FSTL4: variants seen among roughly 807,000 people sequenced by gnomAD.
FSTL4 encodes the protein follistatin like 4.
In FSTL4, 28 loss-of-function variants were observed where a neutral mutation model predicts 78.2. The observed-to-expected ratio is 0.36, with a 90% CI of 0.27 to 0.49. The LOEUF (loss-of-function observed/expected upper bound fraction) is 0.49. Among genes scored for constraint, FSTL4 ranks in the 20% least tolerant of loss-of-function variants. The pLI is 0.98. For synonymous variants in FSTL4, 422 were observed against 440.5 expected (o/e 0.96, Z 0.53); for missense variants, 922 against 1,084.9 (o/e 0.85, Z 2.11).
chr5:133,458,413 C>A (rs1362217079), intron 3 of FSTL4: 1 of 152,250 alleles, frequency 6.6e-6, no homozygotes, highest in Non-Finnish European at 1.5e-5. Context: ...AACAGGGATG[C>A]CATCAGCTCA....
At chr5:133,405,688 A>T (rs1255466654) in intron 3 of FSTL4, among the ~76,000 whole-genome samples, 1 of 152,200 alleles carries the variant, frequency 6.6e-6, no homozygotes, top group Non-Finnish European at 1.5e-5. Context: ...ATACCCTCAC[A>T]CGTGGCAAGG....
chr5:133,525,715 G>T (rs968931553), intron 3 of FSTL4, among the ~76,000 whole-genome samples: 1 of 152,208 alleles, frequency 6.6e-6, no homozygotes, highest in South Asian at 2.1e-4. Flanking sequence ...GAATTCCAGA[G>T]TTCACAGAAC....
Position 133,603,939 on chromosome 5 carries a change from G to A in FSTL4, c.45C>T (p.Ala15=). 1 of 1,613,526 alleles carries A rather than the reference G, an allele frequency of 6.2e-7. No homozygotes were observed. ...TCCATCCCAGCGCAGCCGGCAGGGA[G>A]GCTCCGAGCAGTGTGAGATGCAGCC... ...GFWLHLTLLG[A]SLPAALGWMD... Residue 15 remains alanine (A), a synonymous_variant, in exon 2 of 16, where the codon GCC becomes GCT. Transcript: ENST00000265342.
intron 3 of FSTL4, among the ~76,000 whole-genome samples, chr5:133,479,476 C>T (rs1392409892): frequency 2.0e-5 from 3 of 152,178 alleles, no homozygotes; most frequent in Non-Finnish European, 4.4e-5. Flanking sequence ...AGCCGATGAA[C>T]GGATGCACAA....
intron 6 of FSTL4, among the ~76,000 whole-genome samples, chr5:133,253,143 C>T (rs1434521918): frequency 6.6e-6 from 1 of 152,216 alleles, no homozygotes. Context: ...GGCTACTGAG[C>T]CCTCTCCTTC....
intron 3 of FSTL4, among the ~76,000 whole-genome samples, chr5:133,425,998 G>T (rs1203312535): frequency 1.3e-5 from 2 of 152,084 alleles, no homozygotes; most frequent in Non-Finnish European, 2.9e-5. Flanking sequence ...TCTAAGTGCT[G>T]GGGACCCCCC....
intron 5 of FSTL4, among the ~76,000 whole-genome samples, chr5:133,316,167 A>G (rs910120219): frequency 2.2e-4 from 33 of 152,162 alleles, no homozygotes; most frequent in African/African-American, 7.0e-4. Flanking sequence ...CTTCCTTGTA[A>G]CTTTTCTGCT....
chr5:133,809,103 C>CGCCTG, the FSTL4 span, among the ~76,000 whole-genome samples: 1 of 151,842 alleles, frequency 6.6e-6, no homozygotes, highest in Non-Finnish European at 1.5e-5. Flanking sequence ...CGGTGGCTCA[C>CGCCTG]GCCTGTAATC....
At chr5:133,582,623 G>C (rs1452364596) in intron 2 of FSTL4, among the ~76,000 whole-genome samples, 1 of 152,142 alleles carries the variant, frequency 6.6e-6, no homozygotes, top group Non-Finnish European at 1.5e-5. Context: ...GGCATCTGTT[G>C]GTACAGTGTC....
intron 3 of FSTL4, among the ~76,000 whole-genome samples, chr5:133,561,094 A>G (rs1424385860): frequency 2.7e-5 from 1 of 37,396 alleles, no homozygotes; most frequent in African/African-American, 8.1e-5. Flanking sequence ...GACTCAAAAT[A>G]ATAATAATAA....
intron 3 of FSTL4, among the ~76,000 whole-genome samples, chr5:133,491,484 C>T (rs1758265792): frequency 6.6e-6 from 1 of 151,624 alleles, no homozygotes; most frequent in Admixed American, 6.6e-5. Context: ...ACTGCAAGCT[C>T]CACCTCCCAG....
rs572437305 is a variant in FSTL4, at chr5:133,601,158, T to A, written c.126+2700A>T. On this transcript the variant is annotated intron_variant, in intron 2 of 15. Transcript: ENST00000265342. ...GGAATGAACCTGCTGTGCAGGGAGG[T>A]ATGCCCTGCGCTGAAATACCTGATG... Among the ~76,000 whole-genome samples, 4 of 152,250 alleles carry A rather than the reference T, an allele frequency of 2.6e-5. No homozygotes were observed. The South Asian group carries it at 8.3e-4, about 32-fold the overall frequency.
At chr5:133,583,391 G>T (rs1200963762) in intron 2 of FSTL4, 1 of 275,560 alleles carries the variant, frequency 3.6e-6, no homozygotes. Flanking sequence ...GAGGTACCGG[G>T]TTCATCTCAC....
intron 3 of FSTL4, among the ~76,000 whole-genome samples, chr5:133,542,059 T>C (rs1157689442): frequency 1.3e-5 from 2 of 152,140 alleles, no homozygotes; most frequent in African/African-American, 4.8e-5. Flanking sequence ...TTCCTAACAG[T>C]GAAAAACCTT....
the FSTL4 span, among the ~76,000 whole-genome samples, chr5:133,836,634 A>G: frequency 6.6e-6 from 1 of 150,410 alleles, no homozygotes. Flanking sequence ...CTGTCTTCAG[A>G]TGTTCCTTTT....
At chr5:133,582,977 C>G (rs1285849855) in intron 2 of FSTL4, among the ~76,000 whole-genome samples, 1 of 152,122 alleles carries the variant, frequency 6.6e-6, no homozygotes, top group Non-Finnish European at 1.5e-5. Context: ...TCTGAAGGAG[C>G]CACCACAGCT....
At chr5:133,262,715 A>AT (rs1164045456) in intron 6 of FSTL4, among the ~76,000 whole-genome samples, 14 of 152,132 alleles carry the variant, frequency 9.2e-5, no homozygotes, top group South Asian at 2.1e-4. Flanking sequence ...CACTTATGTG[A>AT]TTTTTTTTAA....
intron 4 of FSTL4, chr5:133,388,690 T>C (rs1366391762): frequency 3.3e-5 from 5 of 152,168 alleles, no homozygotes; most frequent in South Asian, 2.1e-4. Context: ...TTTTGACTTA[T>C]TTGATAGATC....
At chr5:133,452,735 G>C (rs189697861) in intron 3 of FSTL4, among the ~76,000 whole-genome samples, 1 of 152,384 alleles carries the variant, frequency 6.6e-6, no homozygotes, top group Non-Finnish European at 1.5e-5. Flanking sequence ...CAGGAGCTGT[G>C]CTTGGGCAGC....
Sources: gnomAD v4.1 joint callset for allele counts (sites outside exome capture counted in the v4.1 genomes callset) on GRCh38, gnomAD v4.1.1 for gene constraint, MANE v1.5 for transcripts, NCBI Gene and HGNC (gene_info 2026-07-23, HGNC 2026-07-21) for gene names.